MEF2C: variants seen among roughly 807,000 people sequenced by gnomAD.
MEF2C encodes myocyte enhancer factor 2C, also known as myocyte-specific enhancer factor 2C.
A neutral mutation model predicts 50.5 loss-of-function variants in MEF2C; 6 were observed. The ratio of observed to expected loss-of-function variants is 0.12; its 90% confidence interval spans 0.07 to 0.23. The LOEUF (loss-of-function observed/expected upper bound fraction) is 0.23. Ranked by LOEUF, MEF2C falls within the 10% of genes least tolerant of loss-of-function variation. MEF2C has a pLI of 1.00. For missense variants in MEF2C, 276 were observed against 605.0 expected (o/e 0.46, Z 5.70); for synonymous variants, 183 against 228.0 (o/e 0.80, Z 1.78).
intron 3 of MEF2C, chr5:88,771,520 C>G: frequency 3.0e-6 from 3 of 985,304 alleles, no homozygotes; most frequent in South Asian, 9.4e-5. Context: ...GTATGTTATA[C>G]TGTAATTTAT....
At chr5:88,894,017 T>C (rs1834863727) in intron 1 of MEF2C, among the ~76,000 whole-genome samples, 1 of 152,200 alleles carries the variant, frequency 6.6e-6, no homozygotes, top group South Asian at 2.1e-4. Context: ...ATCTGGAGTA[T>C]ATATGCAAAA....
intron 1 of MEF2C, among the ~76,000 whole-genome samples, chr5:88,853,025 A>G (rs1821952994): frequency 6.6e-6 from 1 of 152,170 alleles, no homozygotes; most frequent in Non-Finnish European, 1.5e-5. Context: ...CAATTTCAAG[A>G]CAAGCCTGGG....
intron 2 of MEF2C, among the ~76,000 whole-genome samples, chr5:88,810,395 A>C (rs2153112353): frequency 6.6e-6 from 1 of 152,252 alleles, no homozygotes; most frequent in Admixed American, 6.5e-5. Flanking sequence ...TTCAGAGAAA[A>C]GTTTTTTTCT....
intron 1 of MEF2C, among the ~76,000 whole-genome samples, chr5:88,826,397 A>G (rs1435081556): frequency 6.6e-6 from 1 of 151,960 alleles, no homozygotes; most frequent in Admixed American, 6.6e-5. Flanking sequence ...CTAAAATCCA[A>G]AATTTAGTAT....
intron 1 of MEF2C, among the ~76,000 whole-genome samples, chr5:88,850,283 C>T (rs1820851131): frequency 6.6e-6 from 1 of 152,112 alleles, no homozygotes; most frequent in African/African-American, 2.4e-5. Context: ...CTATTCTATT[C>T]ATTTTACATA....
chr5:88,814,632 G>T (rs1804489180), intron 2 of MEF2C, among the ~76,000 whole-genome samples: 1 of 151,940 alleles, frequency 6.6e-6, no homozygotes, highest in African/African-American at 2.4e-5. Context: ...TTAGAGTGTG[G>T]AATTTAGAAC....
rs1299054385 is a variant in MEF2C at position 88,777,322 on chromosome 5, C to T, written c.259-15994G>A. ...ACACCTACCATTTACCAAGCATGTA[C>T]ATGTGCCAGGGACTGAGCCCGTGGC... On this transcript the variant is annotated intron_variant, in intron 3 of 10. Transcript: ENST00000504921. 3.3e-5 allele frequency among the ~76,000 whole-genome samples: 5 copies of T among 152,134 alleles called. No individual in the cohort carries two copies. In the South Asian group the frequency reaches 8.3e-4, roughly 25 times the overall value.
intron 6 of MEF2C, chr5:88,734,144 T>C (rs765973210): frequency 3.1e-4 from 305 of 984,696 alleles, no homozygotes; most frequent in Middle Eastern, 5.2e-4. Context: ...TGTGAATATG[T>C]TATGAACTTA....
intron 6 of MEF2C, chr5:88,734,130 T>C (rs1762845477): frequency 1.2e-5 from 12 of 984,620 alleles, no homozygotes; most frequent in Non-Finnish European, 1.4e-5. Context: ...TCCTGAATCA[T>C]TATTGTGAAT....
At chr5:88,724,492 T>C (rs1273905667) in intron 10 of MEF2C, among the ~76,000 whole-genome samples, 1 of 152,124 alleles carries the variant, frequency 6.6e-6, no homozygotes, top group Non-Finnish European at 1.5e-5. Context: ...TTTGTTTCCT[T>C]AATAAGCGTC....
At chr5:88,747,355 T>TATA (rs1372519830) in intron 6 of MEF2C, among the ~76,000 whole-genome samples, 3 of 18,550 alleles carry the variant, frequency 1.6e-4, no homozygotes, top group Non-Finnish European at 4.6e-4. Flanking sequence ...TTTTTTTTTT[T>TATA]TTTTTTTTTT....
chr5:88,722,446 C>T lies in MEF2C; in HGVS notation c.*158G>A, dbSNP rs939640298. ...TTCTGTTTATCTTTATACTGTATCA[C>T]TGAGGCAATTTAAAAGTACTTTTAC... On this transcript the variant is annotated 3_prime_UTR_variant, in exon 11 of 11. Transcript: ENST00000504921. The T allele has an allele frequency of 1.6e-6, 1 of 630,654 alleles. No homozygotes were observed. Among genetic ancestry groups the T allele is most frequent in the Admixed American group, 2.9e-5 (1 of 34,594 alleles). 39.1% of individuals were successfully genotyped at this position (630,654 alleles called of 1,614,324 possible).
In MEF2C at chr5:88,901,811, T is replaced by A. The variant is rs1325137680; in HGVS notation, c.-240+2105A>T. ...ATTTACAGCCTCTCATAATGAAAAT[T>A]TTAAAAAATGGGATTTTAGATTAAG... On this transcript the variant is annotated intron_variant, in intron 1 of 11. Coordinates refer to the MEF2C transcript ENST00000340208. Among the ~76,000 whole-genome samples, 7 of 152,078 alleles carry A rather than the reference T, an allele frequency of 4.6e-5. No homozygotes were observed. The South Asian group carries it at 8.3e-4, about 18-fold the overall frequency.
At chr5:88,857,699 G>A (rs1046024532) in intron 1 of MEF2C, among the ~76,000 whole-genome samples, 11 of 152,146 alleles carry the variant, frequency 7.2e-5, no homozygotes, top group East Asian at 3.8e-4. Context: ...TTACTCCTTC[G>A]CTCAAAACTT....
chr5:88,728,102 T>A (rs1213536286), intron 10 of MEF2C, among the ~76,000 whole-genome samples: 1 of 151,984 alleles, frequency 6.6e-6, no homozygotes, highest in Non-Finnish European at 1.5e-5. Context: ...CCTATGTGTA[T>A]TAGGTTAACA....
intron 1 of MEF2C, among the ~76,000 whole-genome samples, chr5:88,890,341 A>G (rs1174268900): frequency 6.6e-6 from 1 of 152,228 alleles, no homozygotes; most frequent in Non-Finnish European, 1.5e-5. Flanking sequence ...TGCTGTCACT[A>G]AATGCAGATA....
At chr5:88,779,682 G>A (rs150236107) in intron 3 of MEF2C, among the ~76,000 whole-genome samples, 13 of 151,136 alleles carry the variant, frequency 8.6e-5, no homozygotes, top group African/African-American at 2.9e-4. Flanking sequence ...CTCGTTAGAT[G>A]TACTTTTGGG....
intron 2 of MEF2C, among the ~76,000 whole-genome samples, chr5:88,807,413 T>A (rs1800941889): frequency 1.3e-5 from 2 of 152,162 alleles, no homozygotes; most frequent in Admixed American, 1.3e-4. Context: ...TATTTATTTT[T>A]ACTAGAAACG....
At chr5:88,786,463 G>GA (rs5869443) in intron 3 of MEF2C, among the ~76,000 whole-genome samples, 10,817 of 151,082 alleles carry the variant, frequency 0.072, 909 homozygotes, top group African/African-American at 0.21. Flanking sequence ...TTAGAGAGGG[G>GA]AAAAAAAAAT....
Sources: allele counts gnomAD v4.1 joint callset (sites outside exome capture counted in the v4.1 genomes callset), GRCh38; gene constraint gnomAD v4.1.1; transcripts MANE v1.5; gene names NCBI Gene and HGNC (gene_info 2026-07-23, HGNC 2026-07-21).